Variants in TTLL8 observed in about 807,000 individuals in gnomAD.
The protein encoded by TTLL8 is protein monoglycylase TTLL8.
TTLL8 carries 65 observed loss-of-function variants against 77.8 expected under a neutral mutation model. The observed-to-expected ratio is 0.84, with a 90% CI of 0.68 to 1.03. The LOEUF is 1.03. Among genes scored for constraint, TTLL8 ranks in the 50% least tolerant of loss-of-function variants. The pLI, the probability that TTLL8 is intolerant of heterozygous loss-of-function variation, is 0.00. For missense variants in TTLL8, 910 were observed against 1,004.5 expected (o/e 0.91, Z 1.27); for synonymous variants, 402 against 422.8 (o/e 0.95, Z 0.60).
At chr22:50,021,948 C>CTGA (rs573042783) in intron 12 of TTLL8, among the ~76,000 whole-genome samples, 2 of 142,420 alleles carry the variant, frequency 1.4e-5, no homozygotes. Context: ...AGTCCTCCAT[C>CTGA]TGACGTGCAC....
chr22:50,031,068 C>G, intron 11 of TTLL8, 143 bp from the exon 13 acceptor site: 1 of 725,928 alleles, frequency 1.4e-6, no homozygotes, highest in Non-Finnish European at 1.9e-6. Context: ...TGGGGTCCCA[C>G]GCAGACCCCC....
upstream of TTLL8, among the ~76,000 whole-genome samples, chr22:50,056,526 G>A (rs2061471651): frequency 2.0e-5 from 3 of 152,160 alleles, no homozygotes; most frequent in African/African-American, 7.2e-5. The surrounding 1 kb of genome is among the most constrained non-coding windows in gnomAD (Gnocchi z 4.1). Flanking sequence ...CCCACGCAAC[G>A]AAGACGAGTC....
chr22:50,052,878 T>G (rs28571944), intron 1 of TTLL8, among the ~76,000 whole-genome samples: 2 of 152,148 alleles, frequency 1.3e-5, no homozygotes, highest in Admixed American at 1.3e-4. Flanking sequence ...CCATAAGACT[T>G]TAGAGGATTT....
At chr22:50,028,921 G>A (rs75323226) in intron 12 of TTLL8, among the ~76,000 whole-genome samples, 3 of 14,276 alleles carry the variant, frequency 2.1e-4, no homozygotes, top group Admixed American at 9.4e-4. Flanking sequence ...CCATCACACC[G>A]TCCTGAAGAC....
intron 1 of TTLL8, among the ~76,000 whole-genome samples, chr22:50,053,993 G>A (rs979600013): frequency 4.6e-5 from 7 of 151,296 alleles, no homozygotes; most frequent in African/African-American, 7.3e-5. Flanking sequence ...TCACCATGCC[G>A]TGCACCTGCA....
chr22:50,031,074 C>T (rs1449645222), intron 11 of TTLL8, 149 bp from the exon 13 acceptor site: 3 of 676,976 alleles, frequency 4.4e-6, no homozygotes, highest in African/African-American at 4.0e-5. Flanking sequence ...CCCACGCAGA[C>T]CCCCAGGAGG....
At position 50,047,156 on chromosome 22, in the gene TTLL8, C is replaced by G; in HGVS notation, c.393+12G>C. The G allele has an allele frequency of 1.5e-6, 2 of 1,367,172 alleles. No individual in the cohort carries two copies. The highest frequency in any genetic ancestry group is 2.0e-6 in the Non-Finnish European group (2 of 1,021,600). The allele number at this position is 1,367,172 out of a possible 1,614,324, so 84.7% of individuals were successfully genotyped here. On this transcript the variant is annotated intron_variant, in intron 4 of 13. Transcript: ENST00000266182. ...TGCCGGCTCCCGCCACGCTCAAGCG[C>G]GGCCGGCTCACCTTGGTGGTGAAGG...
chr22:50,031,799 G>C (rs1311994526), exon 11 of TTLL8: 2 of 1,366,902 alleles, frequency 1.5e-6, no homozygotes, highest in African/African-American at 1.5e-5. Flanking sequence ...GTGGACGGGT[G>C]CATGGTGGGG....
In TTLL8 at chr22:50,041,849, A is replaced by T. The variant is rs1459178233; in HGVS notation, c.644-42T>A. On this transcript the variant is annotated intron_variant, in intron 6 of 13. Transcript: ENST00000266182. This position sits in a 1 kb window ranked among gnomAD's most constrained non-coding sequence, Gnocchi z 4.3. ...GGCACATGCAGTGGGAACCTCACCCAGGGGCAGCCCTGCCCGCCTCGAGGG... is the reference window on the plus strand; with the variant it reads ...GGCACATGCAGTGGGAACCTCACCCTGGGGCAGCCCTGCCCGCCTCGAGGG... The T allele has an allele frequency of 7.5e-7, 1 of 1,327,830 alleles. No homozygotes were observed. The highest frequency in any genetic ancestry group is 1.5e-5 in the African/African-American group (1 of 66,614). 82.3% of individuals were successfully genotyped at this position (1,327,830 alleles called of 1,614,324 possible). A position where few individuals can be genotyped will look rare whatever the true frequency, so the allele number is the denominator to read the frequency against.
chr22:50,031,031 C>A, intron 11 of TTLL8, 106 bp from the exon 13 acceptor site: 1 of 1,067,864 alleles, frequency 9.4e-7, no homozygotes. Context: ...AGACCCCCAC[C>A]TGACTCAGGA....
intron 6 of TTLL8, among the ~76,000 whole-genome samples, chr22:50,043,944 G>A (rs191866378): frequency 5.3e-5 from 8 of 152,212 alleles, no homozygotes; most frequent in East Asian, 3.9e-4. Context: ...GTGGATACAC[G>A]GCATCATACA....
chr22:50,050,059 G>A (rs540053530), intron 2 of TTLL8, 50 bp downstream of exon 4: 25 of 1,349,900 alleles, frequency 1.9e-5, no homozygotes, highest in South Asian at 5.8e-5. Context: ...CCTCCTGCCC[G>A]TGACAGACGC....
intron 6 of TTLL8, 105 bp downstream of exon 8, chr22:50,045,150 G>A (rs895258886): frequency 4.4e-5 from 53 of 1,192,368 alleles, no homozygotes; most frequent in Non-Finnish European, 5.3e-5. Flanking sequence ...ATCCAGCCCC[G>A]GCTGCTGCAA....
intron 6 of TTLL8, among the ~76,000 whole-genome samples, chr22:50,042,585 T>G (rs781139489): frequency 2.0e-5 from 3 of 152,216 alleles, no homozygotes; most frequent in Non-Finnish European, 2.9e-5. Context: ...CACTATGGAC[T>G]AGCAATTCTG....
intron 12 of TTLL8, among the ~76,000 whole-genome samples, chr22:50,025,569 G>A (rs1051933690): frequency 2.6e-5 from 4 of 152,178 alleles, no homozygotes; most frequent in African/African-American, 9.7e-5. Context: ...GAACCCCAGA[G>A]GCTTAGGTTG....
intron 10 of TTLL8, 98 bp downstream of exon 11, chr22:50,033,104 G>A (rs2061309369): frequency 1.6e-6 from 2 of 1,232,324 alleles, no homozygotes; most frequent in African/African-American, 3.1e-5. Flanking sequence ...GGCAGTGAGG[G>A]GGCCCTGCCC....
chr22:50,051,452 T>C (rs772429651), intron 1 of TTLL8, among the ~76,000 whole-genome samples: 2 of 152,244 alleles, frequency 1.3e-5, no homozygotes, highest in East Asian at 3.8e-4. Flanking sequence ...GGCATTTTGA[T>C]TGGTTCCATA....
At chr22:50,039,880 C>T (rs1486736299) in intron 8 of TTLL8, among the ~76,000 whole-genome samples, 1 of 151,418 alleles carries the variant, frequency 6.6e-6, no homozygotes, top group Non-Finnish European at 1.5e-5. Context: ...TCATGTGTGT[C>T]GGTGTGGACA....
Position 50,044,804 on chromosome 22 carries a change from T to A in TTLL8, c.643+451A>T, listed in dbSNP as rs1474863133. On this transcript the variant is annotated intron_variant, in intron 6 of 13. Transcript: ENST00000266182. The surrounding 1 kb of genome is among the most constrained non-coding windows in gnomAD (Gnocchi z 4.2). ...TTAAAACCAACAACCACAAAAAAGA[T>A]TTGGGTTTTGTCCAAAAACACGACG... Among the ~76,000 whole-genome samples the A allele has an allele frequency of 3.3e-5, 5 of 152,048 alleles. No individual in the cohort carries two copies. In the South Asian group the frequency reaches 1.0e-3, roughly 32 times the overall value.
Sources: gnomAD v4.1 joint callset for allele counts (sites outside exome capture counted in the v4.1 genomes callset) on GRCh38, gnomAD v4.1.1 for gene constraint, Gnocchi (gnomAD v3.1) non-coding constraint, MANE v1.5 for transcripts, NCBI Gene and HGNC (gene_info 2026-07-23, HGNC 2026-07-21) for gene names.